Variants in GPR89B observed in about 807,000 individuals in gnomAD.
GPR89B encodes the protein G protein-coupled receptor 89B.
In GPR89B, 25 loss-of-function variants were observed where a neutral mutation model predicts 52.4. The observed-to-expected ratio is 0.48, with a 90% CI of 0.35 to 0.67. The LOEUF is 0.67. Among genes scored for constraint, GPR89B ranks in the 30% least tolerant of loss-of-function variants. The pLI is 0.01. For synonymous variants in GPR89B, 52 were observed against 151.2 expected (o/e 0.34, Z 4.81); for missense variants, 146 against 450.2 (o/e 0.32, Z 6.11).
chr1:147,998,572 A>G (rs1659369255), downstream of GPR89B, among the ~76,000 whole-genome samples: 11 of 152,266 alleles, frequency 7.2e-5, no homozygotes, highest in South Asian at 2.3e-3. Context: ...GCAAAGTGCA[A>G]TAACATTTAA....
the GPR89B span, among the ~76,000 whole-genome samples, chr1:148,025,091 T>A: frequency 6.6e-6 from 1 of 151,914 alleles, no homozygotes; most frequent in Non-Finnish European, 1.5e-5. Context: ...ACTTGTAAAG[T>A]CATTCTCCTG....
intron 10 of GPR89B, among the ~76,000 whole-genome samples, chr1:147,983,619 A>G (rs1658434368): frequency 6.6e-6 from 1 of 152,132 alleles, no homozygotes; most frequent in Non-Finnish European, 1.5e-5. Flanking sequence ...AATCAAAACC[A>G]CAATGACATA....
intron 12 of GPR89B, among the ~76,000 whole-genome samples, chr1:147,989,524 T>C (rs1331970232): frequency 2.0e-5 from 3 of 152,062 alleles, no homozygotes; most frequent in African/African-American, 4.8e-5. Flanking sequence ...GTTGGTGTGC[T>C]GCACCTATTA....
chr1:147,987,978 T>C (rs1658789485), intron 11 of GPR89B, among the ~76,000 whole-genome samples: 1 of 152,316 alleles, frequency 6.6e-6, no homozygotes, highest in Admixed American at 6.5e-5. Flanking sequence ...TTCCTTTTAA[T>C]TCCTGCTTTT....
rs782623971 is a variant in GPR89B, at chr1:147,936,613, T to A, written c.43-14T>A. Reference sequence around the variant, plus strand: ...GAAAATATGTATTGACATTCTATCTTCTTTCTCCTCCAGATACTATTTTTT... The same window carrying A: ...GAAAATATGTATTGACATTCTATCTACTTTCTCCTCCAGATACTATTTTTT... On this transcript the variant is annotated splice_polypyrimidine_tract_variant and intron_variant, in intron 1 of 13. Transcript: ENST00000314163. 7 of 1,608,936 alleles carry A rather than the reference T, an allele frequency of 4.4e-6. No homozygotes were observed. The highest frequency in any genetic ancestry group is 1.1e-5 in the South Asian group (1 of 90,798).
At chr1:148,018,235 G>A in the GPR89B span, among the ~76,000 whole-genome samples, 1 of 140,498 alleles carries the variant, frequency 7.1e-6, no homozygotes, top group Non-Finnish European at 1.5e-5. Flanking sequence ...TGGCTAACAT[G>A]GTGAAACCCC....
At position 147,986,371 on chromosome 1, in the gene GPR89B, T is replaced by C. The variant is rs1285023163; in HGVS notation, c.1005+77T>C. ...TAACTTATCATTGTTAAGATTCTAA[T>C]TTGTATACTTTAGGTACTTGCTTCT... On this transcript the variant is annotated intron_variant, in intron 11 of 13. Coordinates refer to ENST00000314163, the MANE Select transcript of GPR89B (RefSeq NM_016334.5). 3.8e-6 allele frequency: 6 copies of C among 1,593,536 alleles called. No homozygotes were observed. The African/African-American group carries it at 8.1e-5, about 21-fold the overall frequency.
At chr1:147,957,027 C>T (rs1422560354) in intron 7 of GPR89B, among the ~76,000 whole-genome samples, 5 of 151,914 alleles carry the variant, frequency 3.3e-5, no homozygotes, top group African/African-American at 4.8e-5. Context: ...GCGTGAGCCA[C>T]CATGCCCAGC....
At chr1:148,013,915 G>A in the GPR89B span, among the ~76,000 whole-genome samples, 2 of 151,900 alleles carry the variant, frequency 1.3e-5, no homozygotes, top group African/African-American at 4.9e-5. Context: ...CAGCGGGTAG[G>A]GAGAGGGCGC....
the GPR89B span, chr1:148,009,343 C>T: frequency 6.2e-7 from 1 of 1,612,054 alleles, no homozygotes; most frequent in East Asian, 2.2e-5. Context: ...AAATTCTCAC[C>T]TTGGACAGTT....
chr1:147,966,272 T>G lies in GPR89B; in HGVS notation c.618-282T>G, dbSNP rs1164939114. On this transcript the variant is annotated intron_variant, in intron 7 of 13. Transcript: ENST00000314163. ...TCATTTATCTTCACAACCATCCAGATATGAGGAGATGAAAACTCTAAGACC... is the reference window on the plus strand; with the variant it reads ...TCATTTATCTTCACAACCATCCAGAGATGAGGAGATGAAAACTCTAAGACC... Among the ~76,000 whole-genome samples the G allele has an allele frequency of 4.0e-4, 61 of 152,094 alleles. 1 individual carries two copies. The highest frequency in any genetic ancestry group is 5.6e-4 in the African/African-American group (23 of 41,342).
At chr1:147,956,514 A>G (rs1289062876) in intron 7 of GPR89B, among the ~76,000 whole-genome samples, 4 of 151,968 alleles carry the variant, frequency 2.6e-5, no homozygotes, top group Non-Finnish European at 5.9e-5. Flanking sequence ...CTAATGTTCA[A>G]TGAACATTCC....
the GPR89B span, among the ~76,000 whole-genome samples, chr1:148,004,195 C>T: frequency 3.4e-5 from 5 of 145,864 alleles, no homozygotes; most frequent in East Asian, 7.9e-4. Flanking sequence ...GTCACTCTTT[C>T]GCCCAGGCTG....
At chr1:147,991,944 AC>A (rs1417727632) in intron 12 of GPR89B, among the ~76,000 whole-genome samples, 9 of 151,718 alleles carry the variant, frequency 5.9e-5, no homozygotes, top group Admixed American at 5.3e-4. Flanking sequence ...TCAGGATGAT[AC>A]CCTAACTCAT....
At chr1:147,994,989 A>G (rs1659280865), downstream of GPR89B, among the ~76,000 whole-genome samples, 1 of 152,190 alleles carries the variant, frequency 6.6e-6, no homozygotes, top group Admixed American at 6.6e-5. Flanking sequence ...AAAATATAAA[A>G]CTGAGACTTA....
chr1:147,970,529 C>CTCTCTCTA (rs1657367110), intron 10 of GPR89B, among the ~76,000 whole-genome samples: 9 of 141,464 alleles, frequency 6.4e-5, no homozygotes, highest in Non-Finnish European at 9.4e-5. Context: ...CTCTCTCTCT[C>CTCTCTCTA]TCTCTATCTC....
intron 10 of GPR89B, among the ~76,000 whole-genome samples, chr1:147,971,306 C>T (rs1163664486): frequency 6.6e-6 from 1 of 151,548 alleles, no homozygotes; most frequent in Admixed American, 6.6e-5. Flanking sequence ...CGCACCGCCA[C>T]GCCCAGCTAA....
At chr1:147,965,498 T>C (rs1656962613) in intron 7 of GPR89B, among the ~76,000 whole-genome samples, 1 of 152,122 alleles carries the variant, frequency 6.6e-6, no homozygotes, top group Non-Finnish European at 1.5e-5. Context: ...TTTAAATCAA[T>C]TATGTACAAA....
At chr1:147,946,191 A>G (rs1409410802) in intron 5 of GPR89B, among the ~76,000 whole-genome samples, 1 of 151,954 alleles carries the variant, frequency 6.6e-6, no homozygotes, top group Non-Finnish European at 1.5e-5. Context: ...CAAGGTATCT[A>G]TATCATCTAT....
Sources: gnomAD v4.1 joint callset for allele counts (sites outside exome capture counted in the v4.1 genomes callset) on GRCh38, gnomAD v4.1.1 for gene constraint, MANE v1.5 for transcripts, NCBI Gene and HGNC (gene_info 2026-07-23, HGNC 2026-07-21) for gene names.